Variants in SLC24A1 observed in about 807,000 individuals in gnomAD.
SLC24A1 encodes sodium/potassium/calcium exchanger 1.
In SLC24A1, 52 loss-of-function variants were observed where a neutral mutation model predicts 88.1. That is an observed-to-expected ratio of 0.59 (90% CI 0.47 to 0.74). SLC24A1 has a LOEUF of 0.74. SLC24A1 is among the 30% of genes least tolerant of loss of function. SLC24A1 has a pLI of 0.00. For missense variants in SLC24A1, 1,173 were observed against 1,363.3 expected, an observed-to-expected ratio of 0.86 and a Z score of 2.20; for synonymous variants, 455 against 498.0, an observed-to-expected ratio of 0.91 and a Z score of 1.15.
At chr15:65,645,517 C>T (rs1408833992) in intron 5 of SLC24A1, 95 bp from the exon 6 acceptor site, 2 of 900,454 alleles carry the variant, frequency 2.2e-6, no homozygotes, top group Non-Finnish European at 3.6e-6. Flanking sequence ...ACCCTGAAGT[C>T]CAATAGCCCT....
In SLC24A1 at chr15:65,627,535, T is replaced by C. The variant is rs1329150836; in HGVS notation, c.1890+1565T>C. On this transcript the variant is annotated intron_variant, in intron 2 of 9. Transcript: ENST00000261892. The stretch of plus-strand genomic sequence containing the variant: ...CTATTTCCCACCAGACTGTCCTCCA[T>C]GAAGCCAAAGGCTTCAAAAAGAAAG... Among the ~76,000 whole-genome samples, 3 of 152,316 alleles carry C rather than the reference T, an allele frequency of 2.0e-5. No homozygotes were observed. In the East Asian group the frequency reaches 5.8e-4, roughly 29 times the overall value.
rs2075282630 is a variant in SLC24A1, at chr15:65,645,762, C to T, written c.2232+59C>T. On this transcript the variant is annotated intron_variant, in intron 6 of 9. Transcript: ENST00000261892. ...AGAGGTCTAGGGAAGGAACTCTTGA[C>T]CAAAAATACATCCTCCCTGAAGGTC... 7 of 1,125,726 alleles carry T rather than the reference C, an allele frequency of 6.2e-6. No homozygotes were observed. The East Asian group carries it at 1.3e-4, about 21-fold the overall frequency. The allele number at this position is 1,125,726 out of a possible 1,614,324, so 69.7% of individuals were successfully genotyped here. A position where few individuals can be genotyped will look rare whatever the true frequency, so the allele number is the denominator to read the frequency against.
At position 65,654,494 on chromosome 15, in the gene SLC24A1, AG is replaced by A; in HGVS notation, c.*416del. The A allele has an allele frequency of 8.5e-7, 1 of 1,176,934 alleles. No individual in the cohort carries two copies. 72.9% of individuals were successfully genotyped at this position (1,176,934 alleles called of 1,614,324 possible). On this transcript the variant is annotated 3_prime_UTR_variant, in exon 10 of 10. Coordinates refer to ENST00000261892, the MANE Select transcript of SLC24A1 (RefSeq NM_004727.3). ...AAGATGCAGATGTGGTCTACATCTC[AG>A]CCTTCCTGACCTCTGCCCCAAACAC...
At chr15:65,632,868 AG>A (rs2074778808) in intron 2 of SLC24A1, among the ~76,000 whole-genome samples, 1 of 152,228 alleles carries the variant, frequency 6.6e-6, no homozygotes, top group Non-Finnish European at 1.5e-5. Context: ...TTTGTGTAGG[AG>A]AGTGACAAGC....
chr15:65,611,895 T>TTTGG (rs1294969029), intron 1 of SLC24A1: 4 of 152,326 alleles, frequency 2.6e-5, no homozygotes, highest in African/African-American at 9.6e-5. Flanking sequence ...CTGTAATTCC[T>TTTGG]GGCTGAGGTA....
chr15:65,652,738 G>A lies in SLC24A1; in HGVS notation c.2980G>A (p.Ala994Thr), dbSNP rs200052767. 6.9e-5 allele frequency: 112 copies of A among 1,613,674 alleles called. No homozygotes were observed. Among genetic ancestry groups the A allele is most frequent in the Non-Finnish European group, 8.6e-5 (102 of 1,179,780 alleles). Residue 994 changes from alanine to threonine, a missense_variant, in exon 9 of 10, where the codon GCT becomes ACT. By Grantham distance (58) the Ala-to-Thr change is moderately conservative (BLOSUM62 0). Transcript: ENST00000261892. ...IPDLITSVIV[A>T]RKGLGDMAVS... is the part of the protein sequence containing the mutation. ...TGACCTCATCACCAGTGTGATTGTC[G>A]CTCGAAAAGGCCTGGGAGACATGGC... is the stretch of plus-strand genomic sequence containing the variant.
Position 65,650,296 on chromosome 15 carries a change from G to A in SLC24A1, c.2233-86G>A. ...TAAGTTTTCAGATACCTTCTGAGAA[G>A]CACGCCAACAAAAAAATGGGGGAGT... On this transcript the variant is annotated intron_variant, in intron 6 of 9. Transcript: ENST00000261892. This position sits in a 1 kb window ranked among gnomAD's most constrained non-coding sequence, Gnocchi z 4.1. The A allele has an allele frequency of 8.9e-7, 1 of 1,119,914 alleles. No homozygotes were observed. Among genetic ancestry groups the A allele is most frequent in the East Asian group, 2.6e-5 (1 of 38,720 alleles). The allele number at this position is 1,119,914 out of a possible 1,614,324, so 69.4% of individuals were successfully genotyped here. A position where few individuals can be genotyped will look rare whatever the true frequency, so the allele number is the denominator to read the frequency against.
At position 65,625,975 on chromosome 15, in the gene SLC24A1, G is replaced by A. The variant is rs1377692290; in HGVS notation, c.1890+5G>A. On this transcript the variant is annotated splice_donor_5th_base_variant and intron_variant, in intron 2 of 9. Coordinates refer to ENST00000261892, the MANE Select transcript of SLC24A1 (RefSeq NM_004727.3). ...GCCTTAGAAGACCTCAGCAAGGTAA[G>A]GACAAATTGGCTCAGGTTTCTCTAG... 6.2e-6 allele frequency: 10 copies of A among 1,606,758 alleles called. No individual in the cohort carries two copies. The African/African-American group carries it at 6.7e-5, about 11-fold the overall frequency.
chr15:65,659,685 C>A, downstream of SLC24A1: 1 of 152,396 alleles, frequency 6.6e-6, no homozygotes, highest in Non-Finnish European at 1.5e-5. Context: ...ACAGGTTTAC[C>A]ACTTTGTATT....
rs2141458955 is a variant in SLC24A1 at position 65,624,457 on chromosome 15, C to T, written c.377C>T (p.Thr126Ile). Residue 126 changes from threonine (T) to isoleucine (I), a missense_variant, in exon 2 of 10, where the codon ACC (threonine) becomes ATC (isoleucine). By Grantham distance (89) the Thr-to-Ile change is moderately conservative (BLOSUM62 -1). Coordinates refer to ENST00000261892, the MANE Select transcript of SLC24A1 (RefSeq NM_004727.3). ...ACAGCCAAGATGATCCCAACAACAACCAAGAATAATTACAGCCCAACAGCA... is the reference window on the plus strand; with the variant it reads ...ACAGCCAAGATGATCCCAACAACAATCAAGAATAATTACAGCCCAACAGCA... Reference protein sequence around the residue: ...KRTAKMIPTTTKNNYSPTAAG... With the variant: ...KRTAKMIPTTIKNNYSPTAAG... The T allele has an allele frequency of 6.2e-7, 1 of 1,610,928 alleles. No homozygotes were observed. Among genetic ancestry groups the T allele is most frequent in the Non-Finnish European group, 8.5e-7 (1 of 1,178,456 alleles).
downstream of SLC24A1, chr15:65,660,714 G>A (rs2075823129): frequency 6.4e-6 from 1 of 155,724 alleles, no homozygotes; most frequent in Non-Finnish European, 1.4e-5. Context: ...TTCAGATTCT[G>A]AAGCTTGTTG....
At chr15:65,641,149 C>T (rs1198539047) in intron 4 of SLC24A1, among the ~76,000 whole-genome samples, 3 of 152,048 alleles carry the variant, frequency 2.0e-5, no homozygotes, top group African/African-American at 7.2e-5. Flanking sequence ...CCAAGGTGGG[C>T]GGATCACGAG....
chr15:65,641,356 CTAAA>C (rs1332995946), intron 4 of SLC24A1, among the ~76,000 whole-genome samples: 16 of 148,444 alleles, frequency 1.1e-4, no homozygotes, highest in East Asian at 2.2e-4. Flanking sequence ...GAGACCATCT[CTAAA>C]TAAACAAACA....
chr15:65,638,854 C>T (rs1451259777), intron 3 of SLC24A1, among the ~76,000 whole-genome samples: 5 of 151,850 alleles, frequency 3.3e-5, no homozygotes, highest in African/African-American at 9.7e-5. Context: ...GGGAGGACTC[C>T]GCAAGTGTGG....
At chr15:65,660,422 TA>T (rs2075816195), downstream of SLC24A1, 4 of 823,214 alleles carry the variant, frequency 4.9e-6, no homozygotes, top group Admixed American at 1.1e-4. Flanking sequence ...CTACTGGCTT[TA>T]TACACCTAAT....
chr15:65,648,438 G>A (rs1204843247), intron 6 of SLC24A1, among the ~76,000 whole-genome samples: 1 of 152,054 alleles, frequency 6.6e-6, no homozygotes, highest in African/African-American at 2.4e-5. Flanking sequence ...CAGGTTAGCT[G>A]GTTGCCTAAT....
At chr15:65,632,701 C>T (rs1362807395) in intron 2 of SLC24A1, among the ~76,000 whole-genome samples, 2 of 152,208 alleles carry the variant, frequency 1.3e-5, no homozygotes, top group African/African-American at 4.8e-5. Context: ...TGTGGTAGGT[C>T]TGGCATATGG....
chr15:65,613,547 G>A (rs543977875), intron 2 of SLC24A1, among the ~76,000 whole-genome samples: 11 of 151,858 alleles, frequency 7.2e-5, no homozygotes, highest in Admixed American at 5.2e-4. Context: ...CAGTGGCATG[G>A]TCATGGCTTC....
intron 1 of SLC24A1, among the ~76,000 whole-genome samples, 158 bp from the exon 2 acceptor site, chr15:65,623,797 C>G (rs2074402395): frequency 6.6e-6 from 1 of 152,174 alleles, no homozygotes; most frequent in African/African-American, 2.4e-5. Flanking sequence ...GCATTTTCCT[C>G]TGGAGCAGGG....
Sources: allele counts gnomAD v4.1 joint callset (sites outside exome capture counted in the v4.1 genomes callset), GRCh38; gene constraint gnomAD v4.1.1; non-coding constraint Gnocchi (gnomAD v3.1); transcripts MANE v1.5; gene names NCBI Gene and HGNC (gene_info 2026-07-23, HGNC 2026-07-21).